Variants in EYS observed in about 807,000 individuals in gnomAD.
EYS encodes EGF-like photoreceptor maintenance factor, also known as protein eyes shut homolog.
EYS carries 250 observed loss-of-function variants against 282.1 expected under a neutral mutation model. That is an observed-to-expected ratio of 0.89 (90% CI 0.80 to 0.98). The LOEUF (loss-of-function observed/expected upper bound fraction) is 0.98, where lower values mean the gene tolerates loss of function less well. Among genes scored for constraint, EYS ranks in the 50% least tolerant of loss-of-function variants. The probability of loss-of-function intolerance (pLI) is 0.00; values close to 1 mark genes in which losing one functional copy is unlikely to be tolerated. For missense variants in EYS, 4,016 were observed against 3,709.0 expected (o/e 1.08, Z -2.15); for synonymous variants, 1,355 against 1,282.9 (o/e 1.06, Z -1.20).
intron 12 of EYS, among the ~76,000 whole-genome samples, chr6:65,228,745 T>C (rs1221767841): frequency 1.3e-5 from 2 of 152,074 alleles, no homozygotes; most frequent in Non-Finnish European, 1.5e-5. Flanking sequence ...GTTCTAACAC[T>C]CTCTGACTTC....
chr6:63,748,834 C>T (rs1374058537), intron 41 of EYS, among the ~76,000 whole-genome samples: 1 of 151,946 alleles, frequency 6.6e-6, no homozygotes, highest in Admixed American at 6.6e-5. Flanking sequence ...GTGGTAATAT[C>T]CCCCTTGTTA....
chr6:64,709,887 G>T (rs1056588411), intron 22 of EYS, among the ~76,000 whole-genome samples: 1 of 152,014 alleles, frequency 6.6e-6, no homozygotes, highest in African/African-American at 2.4e-5. Flanking sequence ...TTTTAACCTG[G>T]TTTTTTTCTG....
intron 12 of EYS, among the ~76,000 whole-genome samples, chr6:65,253,044 C>T (rs1196288979): frequency 2.0e-5 from 3 of 151,864 alleles, no homozygotes; most frequent in Non-Finnish European, 4.4e-5. Flanking sequence ...AAAACAAAAA[C>T]CTTGAAGAAA....
At chr6:64,017,681 C>G (rs1310422945) in intron 33 of EYS, among the ~76,000 whole-genome samples, 1 of 152,190 alleles carries the variant, frequency 6.6e-6, no homozygotes, top group Admixed American at 6.5e-5. Flanking sequence ...GCTGTCTGCT[C>G]TACCCACAGC....
At chr6:65,553,878 T>G (rs1768692588) in intron 2 of EYS, among the ~76,000 whole-genome samples, 1 of 152,234 alleles carries the variant, frequency 6.6e-6, no homozygotes, top group South Asian at 2.1e-4. Context: ...ATATATAAAA[T>G]ATTTAAAAAA....
At chr6:64,674,272 A>G (rs1270841525) in intron 22 of EYS, among the ~76,000 whole-genome samples, 1 of 152,122 alleles carries the variant, frequency 6.6e-6, no homozygotes, top group Non-Finnish European at 1.5e-5. Context: ...TACATCATGT[A>G]GAGAATTGTT....
intron 22 of EYS, among the ~76,000 whole-genome samples, chr6:64,720,313 G>A (rs1354778227): frequency 1.3e-5 from 2 of 151,898 alleles, no homozygotes; most frequent in African/African-American, 4.8e-5. Context: ...TTCTTATGAG[G>A]GTCCTTATGA....
intron 26 of EYS, among the ~76,000 whole-genome samples, chr6:64,533,139 C>T (rs556079871): frequency 4.7e-4 from 71 of 152,232 alleles, no homozygotes; most frequent in Middle Eastern, 3.4e-3. Context: ...AATCTGAAGG[C>T]TTTCCATAGT....
chr6:65,288,689 T>C (rs1449444094), intron 12 of EYS, among the ~76,000 whole-genome samples: 1 of 151,002 alleles, frequency 6.6e-6, no homozygotes, highest in Non-Finnish European at 1.5e-5. Context: ...ATAAGGGCAA[T>C]AAAATAGTAC....
intron 12 of EYS, among the ~76,000 whole-genome samples, chr6:65,070,100 C>T (rs1430946063): frequency 6.6e-6 from 1 of 151,812 alleles, no homozygotes; most frequent in Non-Finnish European, 1.5e-5. Flanking sequence ...ATAATAAATC[C>T]ACTCTTCCTT....
At chr6:63,783,993 A>G (rs1225922381) in intron 39 of EYS, among the ~76,000 whole-genome samples, 1 of 152,182 alleles carries the variant, frequency 6.6e-6, no homozygotes, top group Non-Finnish European at 1.5e-5. Flanking sequence ...CCTAAATGGA[A>G]CAAAAAAGAG....
At chr6:64,032,583 C>G (rs1346018853) in intron 33 of EYS, among the ~76,000 whole-genome samples, 1 of 152,178 alleles carries the variant, frequency 6.6e-6, no homozygotes, top group Non-Finnish European at 1.5e-5. Context: ...AAGACTAATC[C>G]TTGCTTCAGA....
At chr6:64,868,991 G>A (rs1440620109) in intron 19 of EYS, among the ~76,000 whole-genome samples, 1 of 151,494 alleles carries the variant, frequency 6.6e-6, no homozygotes, top group Non-Finnish European at 1.5e-5. Flanking sequence ...ATAAGTAAGA[G>A]CCTTTTAATC....
At chr6:63,876,533 C>G (rs1204474061) in intron 35 of EYS, among the ~76,000 whole-genome samples, 1 of 152,094 alleles carries the variant, frequency 6.6e-6, no homozygotes, top group Non-Finnish European at 1.5e-5. Context: ...TCCTTGTTAA[C>G]TTTCTGTGTC....
Position 63,944,742 on chromosome 6 carries a change from G to A in EYS, c.7055+39641C>T, listed in dbSNP as rs533266213. On this transcript the variant is annotated intron_variant, in intron 35 of 42. Transcript: ENST00000503581. ...TCAGTTTGAGACCAGCCTGGCCAAC[G>A]TGGCAAAACCCCGTCTCTACTAAAA... 8.6e-5 allele frequency among the ~76,000 whole-genome samples: 13 copies of A among 151,882 alleles called. No individual in the cohort carries two copies. In the East Asian group the frequency reaches 2.3e-3, roughly 27 times the overall value.
At chr6:63,831,437 C>T (rs1299067855) in intron 36 of EYS, among the ~76,000 whole-genome samples, 1 of 152,146 alleles carries the variant, frequency 6.6e-6, no homozygotes, top group Non-Finnish European at 1.5e-5. Context: ...ATAAAACAGA[C>T]TTTAAACCAA....
chr6:65,087,496 C>T (rs1774418194), intron 12 of EYS, among the ~76,000 whole-genome samples: 1 of 152,088 alleles, frequency 6.6e-6, no homozygotes, highest in Non-Finnish European at 1.5e-5. Context: ...GTGCATCTTA[C>T]CTAACTGGCT....
chr6:65,095,020 A>G (rs78545995), intron 12 of EYS, among the ~76,000 whole-genome samples: 1,895 of 151,546 alleles, frequency 0.013, 23 homozygotes, highest in Admixed American at 0.022. Context: ...AACTGATGCT[A>G]CAGAAATAAA....
At chr6:63,892,969 C>T (rs1454310560) in intron 35 of EYS, among the ~76,000 whole-genome samples, 5 of 152,124 alleles carry the variant, frequency 3.3e-5, no homozygotes, top group African/African-American at 2.4e-5. Context: ...AGCCAACAAG[C>T]ATATGAAAAA....
Sources: allele counts gnomAD v4.1 joint callset (sites outside exome capture counted in the v4.1 genomes callset), GRCh38; gene constraint gnomAD v4.1.1; transcripts MANE v1.5; gene names NCBI Gene and HGNC (gene_info 2026-07-23, HGNC 2026-07-21).